DDB1: variants seen among roughly 807,000 people sequenced by gnomAD.
The protein encoded by DDB1 is damage specific DNA binding protein 1.
In DDB1, 18 loss-of-function variants were observed where a neutral mutation model predicts 133.1. That is an observed-to-expected ratio of 0.14 (90% CI 0.09 to 0.20). The LOEUF is 0.20. Ranked by LOEUF, DDB1 falls within the 10% of genes least tolerant of loss-of-function variation. The probability of loss-of-function intolerance (pLI) is 1.00; values close to 1 mark genes in which losing one functional copy is unlikely to be tolerated. For synonymous variants in DDB1, 580 were observed against 550.5 expected (o/e 1.05, Z -0.75); for missense variants, 828 against 1,459.2 (o/e 0.57, Z 7.05).
chr11:61,316,998 T>TATATATGGAC lies in DDB1; in HGVS notation c.1226-432_1226-431insGTCCATATAT, dbSNP rs1565034349. Among the ~76,000 whole-genome samples, 10 of 92,170 alleles carry TATATATGGAC rather than the reference T, an allele frequency of 1.1e-4. 1 individual carries two copies. Among genetic ancestry groups the TATATATGGAC allele is most frequent in the South Asian group, 7.2e-4 (2 of 2,776 alleles). 60.5% of individuals were successfully genotyped at this position (92,170 alleles called of 152,430 possible). Reference sequence around the variant, plus strand: ...ATATATATATATATATATATATATATAGACATGGCAGCCTGACACCACTGG... The same window carrying TATATATGGAC: ...ATATATATATATATATATATATATATATATATGGACAGACATGGCAGCCTGACACCACTGG... On this transcript the variant is annotated intron_variant, in intron 10 of 26. Coordinates refer to ENST00000301764, the MANE Select transcript of DDB1 (RefSeq NM_001923.5).
chr11:61,330,669 G>GA (rs1565039735), intron 2 of DDB1, among the ~76,000 whole-genome samples: 1 of 146,192 alleles, frequency 6.8e-6, no homozygotes, highest in Non-Finnish European at 1.5e-5. Flanking sequence ...TTTGTTTGGT[G>GA]TTTTTTTTTT....
rs28720360 is a variant in DDB1, at chr11:61,300,525, A to T, written c.3339+284T>A. 5.0e-4 allele frequency among the ~76,000 whole-genome samples: 76 copies of T among 152,198 alleles called. No individual in the cohort carries two copies. The East Asian group carries it at 0.012, about 23-fold the overall frequency. ...CTACGGGATCCTGACCCTGCCTCCCACCTTTGGGTCTTGCTAAAGATCCCA... is the reference window on the plus strand; with the variant it reads ...CTACGGGATCCTGACCCTGCCTCCCTCCTTTGGGTCTTGCTAAAGATCCCA... On this transcript the variant is annotated intron_variant, in intron 26 of 26. Coordinates refer to ENST00000301764, the MANE Select transcript of DDB1 (RefSeq NM_001923.5).
At chr11:61,302,850 G>T in intron 23 of DDB1, 99 bp from the exon 24 acceptor site, 3 of 1,491,106 alleles carry the variant, frequency 2.0e-6, no homozygotes, top group East Asian at 2.3e-5. Flanking sequence ...AATTTCCCTG[G>T]GGAGCTGACA....
intron 6 of DDB1, chr11:61,324,346 C>T (rs1268831025): frequency 9.3e-6 from 5 of 536,744 alleles, no homozygotes; most frequent in Non-Finnish European, 1.7e-5. Flanking sequence ...TTCTGAGGCG[C>T]TCCATCAATA....
chr11:61,329,340 GCT>G (rs1565039124), intron 4 of DDB1, 21 bp downstream of exon 4: 4 of 1,608,886 alleles, frequency 2.5e-6, no homozygotes, highest in Non-Finnish European at 3.4e-6. Context: ...ACAGTTTCTC[GCT>G]CTCTCTTCCT....
At chr11:61,322,161 C>T in intron 9 of DDB1, 135 bp downstream of exon 9, 1 of 742,820 alleles carries the variant, frequency 1.3e-6, no homozygotes, top group South Asian at 1.6e-5. Context: ...AGTAGTTATC[C>T]TTATATCACT....
At chr11:61,303,491 A>G (rs1855832552) in intron 22 of DDB1, 1 of 306,288 alleles carries the variant, frequency 3.3e-6, no homozygotes, top group Non-Finnish European at 6.2e-6. Context: ...GATCGAGACC[A>G]TCCTGGCTAA....
chr11:61,332,688 G>A (rs933353017), intron 1 of DDB1: 3 of 426,500 alleles, frequency 7.0e-6, no homozygotes, highest in South Asian at 5.5e-5. Context: ...ACCTCCCCAG[G>A]ACGAAAGGGG....
Position 61,314,168 on chromosome 11 carries a change from G to C in DDB1, c.1632C>G (p.Thr544=). ...ACAGTCCATTGCTGTCTCCTAATGGGGTGATGTCCAAGCAAGCCACTTCAT... is the reference window on the plus strand; with the variant it reads ...ACAGTCCATTGCTGTCTCCTAATGGCGTGATGTCCAAGCAAGCCACTTCAT... ...MEHEVACLDI[T]PLGDSNGLSP... is the part of the protein sequence containing the mutation. Residue 544 remains threonine, a synonymous_variant, in exon 14 of 27, where the codon ACC becomes ACG. Transcript: ENST00000301764. 6.2e-7 allele frequency: 1 copy of C among 1,612,418 alleles called. No individual in the cohort carries two copies. The highest frequency in any genetic ancestry group is 1.1e-5 in the South Asian group (1 of 90,792).
chr11:61,323,326 T>C (rs1249638454), intron 7 of DDB1: 1 of 542,126 alleles, frequency 1.8e-6, no homozygotes, highest in East Asian at 3.1e-5. Flanking sequence ...TTGTCTTGCA[T>C]ATTCCTGCTC....
At chr11:61,308,857 T>C in intron 21 of DDB1, 126 bp downstream of exon 21, 1 of 920,244 alleles carries the variant, frequency 1.1e-6, no homozygotes, top group Non-Finnish European at 1.7e-6. Context: ...AGCTCTATCC[T>C]CCACACCCGC....
chr11:61,300,745 C>T, intron 26 of DDB1, 64 bp downstream of exon 26: 1 of 1,598,604 alleles, frequency 6.3e-7, no homozygotes, highest in Non-Finnish European at 8.5e-7. Context: ...CAGAGACAGT[C>T]TCCTGGCATG....
intron 6 of DDB1, among the ~76,000 whole-genome samples, chr11:61,325,073 G>A (rs1400879550): frequency 6.6e-6 from 1 of 152,160 alleles, no homozygotes; most frequent in Non-Finnish European, 1.5e-5. Flanking sequence ...GCCTGAACCT[G>A]GGAGGCGGAG....
At chr11:61,325,553 G>T in intron 6 of DDB1, 58 bp downstream of exon 6, 1 of 1,401,854 alleles carries the variant, frequency 7.1e-7, no homozygotes, top group Non-Finnish European at 1.0e-6. Flanking sequence ...AAAGGGAGGA[G>T]CAAGGTGAGG....
chr11:61,319,534 T>C (rs28720297), intron 10 of DDB1, among the ~76,000 whole-genome samples: 7,054 of 151,868 alleles, frequency 0.046, 502 homozygotes, highest in African/African-American at 0.15. Context: ...TGGGTTCAAG[T>C]GATTCCCCTG....
intron 5 of DDB1, chr11:61,325,954 G>T: frequency 1.8e-6 from 1 of 566,658 alleles, no homozygotes; most frequent in Non-Finnish European, 3.2e-6. Flanking sequence ...CCTATGGGTG[G>T]GGAGTCTTCT....
chr11:61,315,746 A>G (rs554120669), intron 12 of DDB1: 2 of 152,720 alleles, frequency 1.3e-5, no homozygotes, highest in African/African-American at 4.8e-5. Context: ...TCTCGTGGAT[A>G]ACAATATGCC....
chr11:61,302,507 T>A, intron 24 of DDB1, 75 bp downstream of exon 24: 3 of 1,598,600 alleles, frequency 1.9e-6, no homozygotes, highest in Non-Finnish European at 2.6e-6. Context: ...GTACAGTTGC[T>A]CTCCCCAGTC....
Position 61,332,903 on chromosome 11 carries a change from C to A in DDB1, c.61+5G>T. On this transcript the variant is annotated splice_donor_5th_base_variant and intron_variant, in intron 1 of 26. Coordinates refer to ENST00000301764, the MANE Select transcript of DDB1 (RefSeq NM_001923.5). ...CGCCGGGGTCTCCGGCCCCGGCAGC[C>A]TCACCGGTCACGCAGCCGTTCACGG... The A allele has an allele frequency of 6.7e-7, 1 of 1,491,020 alleles. No homozygotes were observed. 92.4% of individuals were successfully genotyped at this position (1,491,020 alleles called of 1,614,324 possible).
Sources: gnomAD v4.1 joint callset for allele counts (sites outside exome capture counted in the v4.1 genomes callset) on GRCh38, gnomAD v4.1.1 for gene constraint, MANE v1.5 for transcripts, NCBI Gene and HGNC (gene_info 2026-07-23, HGNC 2026-07-21) for gene names.